SRGAP2: variants seen among roughly 807,000 people sequenced by gnomAD.
SRGAP2 encodes the protein SLIT-ROBO Rho GTPase-activating protein 2.
A neutral mutation model predicts 57.2 loss-of-function variants in SRGAP2; 15 were observed. That is an observed-to-expected ratio of 0.26 (90% CI 0.18 to 0.40). The LOEUF is 0.40. Ranked by LOEUF, SRGAP2 falls within the 10% of genes least tolerant of loss-of-function variation. The probability of loss-of-function intolerance (pLI) is 1.00; values close to 1 mark genes in which losing one functional copy is unlikely to be tolerated. For synonymous variants in SRGAP2, 249 were observed against 248.0 expected, an observed-to-expected ratio of 1.00 and a Z score of -0.04; for missense variants, 520 against 669.6, an observed-to-expected ratio of 0.78 and a Z score of 2.47.
rs1225826579 is a variant in SRGAP2 at position 206,297,404 on chromosome 1, C to T, written c.68-5877C>T. 3.0e-4 allele frequency among the ~76,000 whole-genome samples: 18 copies of T among 59,200 alleles called. 2 individuals are homozygous for T. The highest frequency in any genetic ancestry group is 1.6e-4 in the Admixed American group (1 of 6,410). The allele number at this position is 59,200 out of a possible 152,430, so 38.8% of individuals were successfully genotyped here. ...TCTTGGTAAGAGATATGGAGGGTAG[C>T]GCCTGAAAGCCTCAATTGTATTCTT... On this transcript the variant is annotated intron_variant, in intron 2 of 22. Coordinates refer to ENST00000573034, the MANE Select transcript of SRGAP2 (RefSeq NM_015326.5).
In SRGAP2 at chr1:206,371,736, A is replaced by AAAG. The variant is rs1553342677; in HGVS notation, c.424-12276_424-12275insGAA. ...ACTGAGTGAGACTCCGTCTCCAAAA[A>AAAG]AAAAAAGAAAAAAAATATAGATCTA... On this transcript the variant is annotated intron_variant, in intron 4 of 22. Coordinates refer to ENST00000573034, the MANE Select transcript of SRGAP2 (RefSeq NM_015326.5). Among the ~76,000 whole-genome samples the AAAG allele has an allele frequency of 5.2e-5, 4 of 76,882 alleles. 1 individual carries two copies. The highest frequency in any genetic ancestry group is 3.4e-4 in the African/African-American group (4 of 11,632). The allele number at this position is 76,882 out of a possible 152,430, so 50.4% of individuals were successfully genotyped here. A position where few individuals can be genotyped will look rare whatever the true frequency, so the allele number is the denominator to read the frequency against.
intron 16 of SRGAP2, among the ~76,000 whole-genome samples, chr1:206,438,822 A>C (rs1259613638): frequency 2.6e-5 from 4 of 152,226 alleles, no homozygotes; most frequent in African/African-American, 7.2e-5. Flanking sequence ...AATGGAGAAA[A>C]GATCCTTCTT....
intron 2 of SRGAP2, among the ~76,000 whole-genome samples, chr1:206,296,498 C>T (rs1456289646): frequency 2.0e-5 from 3 of 151,564 alleles, no homozygotes; most frequent in South Asian, 2.1e-4. Context: ...GGCACAATCA[C>T]GGCTCACTGT....
chr1:206,398,967 C>G (rs1233114039), intron 7 of SRGAP2, among the ~76,000 whole-genome samples: 4 of 151,828 alleles, frequency 2.6e-5, no homozygotes, highest in Admixed American at 6.6e-5. Flanking sequence ...GGATTTGGAG[C>G]TATATTAGTA....
chr1:206,442,567 C>T (rs1553372388), intron 17 of SRGAP2, among the ~76,000 whole-genome samples: 2 of 152,174 alleles, frequency 1.3e-5, no homozygotes, highest in Non-Finnish European at 2.9e-5. Flanking sequence ...AGGGTTGCTG[C>T]TTGCAGAGAT....
At position 206,372,898 on chromosome 1, in the gene SRGAP2, CCTT is replaced by C. The variant is rs1164468739; in HGVS notation, c.424-11115_424-11113del. ...TAGATTCCTTTCTTTCTTTCTCTCT[CCTT>C]TCTTTCTTTCTTTCTTTCTTTCTTT... is the stretch of plus-strand genomic sequence containing the variant. On this transcript the variant is annotated intron_variant, in intron 4 of 22. Coordinates refer to ENST00000573034, the MANE Select transcript of SRGAP2 (RefSeq NM_015326.5). Among the ~76,000 whole-genome samples the C allele has an allele frequency of 9.4e-4, 25 of 26,734 alleles. No homozygotes were observed. In the East Asian group the frequency reaches 0.015, roughly 16 times the overall value. 17.5% of individuals were successfully genotyped at this position (26,734 alleles called of 152,430 possible).
chr1:206,306,858 G>C (rs1672238464), intron 3 of SRGAP2, among the ~76,000 whole-genome samples: 1 of 151,986 alleles, frequency 6.6e-6, no homozygotes, highest in Admixed American at 6.5e-5. Flanking sequence ...CCTTGAGCTA[G>C]ATACAGAGTG....
intron 2 of SRGAP2, among the ~76,000 whole-genome samples, chr1:206,253,979 A>G (rs1318712924): frequency 1.5e-5 from 2 of 133,760 alleles, no homozygotes; most frequent in Non-Finnish European, 3.1e-5. Context: ...TAAATCTGCT[A>G]CTAACCAGAC....
At chr1:206,340,389 T>C (rs1326029191) in intron 3 of SRGAP2, among the ~76,000 whole-genome samples, 11 of 144,228 alleles carry the variant, frequency 7.6e-5, no homozygotes, top group Admixed American at 2.1e-4. Context: ...ATTTGCACTT[T>C]TATAACCACT....
At chr1:206,286,506 A>G (rs1420612717) in intron 2 of SRGAP2, among the ~76,000 whole-genome samples, 3 of 148,088 alleles carry the variant, frequency 2.0e-5, no homozygotes, top group East Asian at 2.0e-4. Context: ...TGCTTACTCT[A>G]TGTGAGGCAC....
chr1:206,414,908 T>C (rs1659552069), intron 10 of SRGAP2, among the ~76,000 whole-genome samples: 2 of 152,354 alleles, frequency 1.3e-5, no homozygotes, highest in South Asian at 4.1e-4. Context: ...CTACAAAATT[T>C]AGTTCTGCTT....
intron 2 of SRGAP2, among the ~76,000 whole-genome samples, chr1:206,289,582 GTT>G (rs1178496469): frequency 1.4e-5 from 2 of 141,042 alleles, no homozygotes. Flanking sequence ...CAGCTGGACT[GTT>G]TTTTTTTTTT....
intron 7 of SRGAP2, among the ~76,000 whole-genome samples, chr1:206,399,031 G>A (rs1417110528): frequency 2.6e-5 from 4 of 152,272 alleles, no homozygotes; most frequent in East Asian, 1.9e-4. Flanking sequence ...TTGCCTGTTA[G>A]CCTACAACAA....
At chr1:206,391,945 T>A (rs1657018611) in intron 5 of SRGAP2, among the ~76,000 whole-genome samples, 1 of 149,736 alleles carries the variant, frequency 6.7e-6, no homozygotes, top group African/African-American at 2.5e-5. Context: ...TTGATATGGA[T>A]TTTATTCCTT....
intron 2 of SRGAP2, among the ~76,000 whole-genome samples, chr1:206,232,219 G>A (rs1667688872): frequency 6.6e-6 from 1 of 152,146 alleles, no homozygotes; most frequent in African/African-American, 2.4e-5. Flanking sequence ...TTTACATAGT[G>A]GAGAGGTGAG....
At chr1:206,449,217 A>G (rs1158164862) in intron 18 of SRGAP2, among the ~76,000 whole-genome samples, 2 of 151,960 alleles carry the variant, frequency 1.3e-5, no homozygotes, top group Non-Finnish European at 2.9e-5. Context: ...TCCATGAGCC[A>G]GGAGATCAGG....
At position 206,371,656 on chromosome 1, in the gene SRGAP2, G is replaced by A. The variant is rs557632770; in HGVS notation, c.424-12358G>A. Among the ~76,000 whole-genome samples the A allele has an allele frequency of 4.6e-5, 7 of 151,330 alleles. No individual in the cohort carries two copies. In the East Asian group the frequency reaches 5.8e-4, roughly 13 times the overall value. On this transcript the variant is annotated intron_variant, in intron 4 of 22. Transcript: ENST00000573034. ...TGAGGCAGGAGAATGGCGTGAATCCGGGAGGCAGAGCTTGCAGTGAGACGA... is the reference window on the plus strand; with the variant it reads ...TGAGGCAGGAGAATGGCGTGAATCCAGGAGGCAGAGCTTGCAGTGAGACGA...
intron 19 of SRGAP2, among the ~76,000 whole-genome samples, chr1:206,452,729 A>G (rs1663428679): frequency 6.6e-6 from 1 of 151,982 alleles, no homozygotes. Context: ...TATTAATAAT[A>G]CAAAAAATTA....
At position 206,458,654 on chromosome 1, in the gene SRGAP2, C is replaced by G. The variant is rs373934616; in HGVS notation, c.2539C>G (p.Arg847Gly). Residue 847 changes from arginine (R) to glycine (G), a missense_variant, in exon 22 of 23, where the codon CGG becomes GGG. Around this residue, in one of 5 missense-constraint regions of SRGAP2, gnomAD observed 478 missense variants for 373.6 expected, o/e 1.28. Coordinates refer to ENST00000573034, the MANE Select transcript of SRGAP2 (RefSeq NM_015326.5). ...QRKRPESGSIRKTFRSDSHGL... is the reference protein window; with the variant it reads ...QRKRPESGSIGKTFRSDSHGL... The stretch of plus-strand genomic sequence containing the variant: ...GAAGCGTCCAGAATCTGGGAGCATC[C>G]GGAAAACTTTTCGGAGTGACAGCCA... 1 of 769,542 alleles carries G rather than the reference C, an allele frequency of 1.3e-6. No individual in the cohort carries two copies. The highest frequency in any genetic ancestry group is 1.7e-5 in the African/African-American group (1 of 58,896). 47.7% of individuals were successfully genotyped at this position (769,542 alleles called of 1,614,324 possible). A position where few individuals can be genotyped will look rare whatever the true frequency, so the allele number is the denominator to read the frequency against.
Sources: gnomAD v4.1 joint callset for allele counts (sites outside exome capture counted in the v4.1 genomes callset) on GRCh38, gnomAD v4.1.1 for gene constraint, gnomAD v4.1.1 regional missense constraint, MANE v1.5 for transcripts, NCBI Gene and HGNC (gene_info 2026-07-23, HGNC 2026-07-21) for gene names.